Variants in ICAM2 observed in about 807,000 individuals in gnomAD.
The protein encoded by ICAM2 is ICAM-2.
In ICAM2, 14 loss-of-function variants were observed where a neutral mutation model predicts 19.1. The ratio of observed to expected loss-of-function variants is 0.73; its 90% confidence interval spans 0.48 to 1.15. The LOEUF is 1.15. Among genes scored for constraint, ICAM2 ranks in the 50% most tolerant of loss-of-function variants. The pLI is 0.00. For missense variants in ICAM2, 311 were observed against 355.4 expected (o/e 0.88, Z 1.00); for synonymous variants, 153 against 152.7 (o/e 1.00, Z -0.01).
intron 4 of ICAM2, chr17:64,003,155 C>A (rs1255735512): frequency 1.3e-5 from 7 of 540,766 alleles, no homozygotes; most frequent in Non-Finnish European, 2.3e-5. Flanking sequence ...TTCTGTGTGG[C>A]TGTGAGGGCA....
At chr17:64,005,419 C>T (rs755745759) in intron 2 of ICAM2, 46 bp from the exon 3 acceptor site, 1 of 1,590,094 alleles carries the variant, frequency 6.3e-7, no homozygotes, top group Non-Finnish European at 8.6e-7. Flanking sequence ...CCCCCACCCC[C>T]TGCCCTCCAG....
chr17:64,003,352 C>G, intron 4 of ICAM2: 1 of 483,046 alleles, frequency 2.1e-6, no homozygotes, highest in Non-Finnish European at 3.7e-6. Context: ...TGGGGGCAGT[C>G]AGGCCAAACT....
chr17:64,003,592 G>A (rs987764625), intron 4 of ICAM2, 52 bp downstream of exon 4: 5 of 1,538,406 alleles, frequency 3.3e-6, no homozygotes, highest in Non-Finnish European at 3.5e-6. Flanking sequence ...CTTCCCCCGA[G>A]GGGCTGAAAG....
Position 64,002,696 on chromosome 17 carries a change from C to G in ICAM2, c.*51G>C. ...GGGCTGGACCTCAACCCTGAGGAGTCACACTGAGTTCCAGTGACCACCGTG... is the reference window on the plus strand; with the variant it reads ...GGGCTGGACCTCAACCCTGAGGAGTGACACTGAGTTCCAGTGACCACCGTG... On this transcript the variant is annotated 3_prime_UTR_variant, in exon 5 of 5. Coordinates refer to ENST00000579788, the MANE Select transcript of ICAM2 (RefSeq NM_001099789.2). 1 of 1,541,440 alleles carries G rather than the reference C, an allele frequency of 6.5e-7. No homozygotes were observed. The highest frequency in any genetic ancestry group is 1.2e-5 in the South Asian group (1 of 86,386).
At position 64,008,432 on chromosome 17, in the gene ICAM2, A is replaced by G. The variant is rs146100950; in HGVS notation, c.-44-1697T>C. ...AATAATAATAACAATAACAACATCA[A>G]TAATAATAATAGTAAACATTTACTT... On this transcript the variant is annotated intron_variant, in intron 1 of 4. Coordinates refer to ENST00000579788, the MANE Select transcript of ICAM2 (RefSeq NM_001099789.2). Among the ~76,000 whole-genome samples the G allele has an allele frequency of 2.5e-4, 38 of 152,256 alleles. 1 individual carries two copies. Among genetic ancestry groups the G allele is most frequent in the African/African-American group, 8.7e-4 (36 of 41,538 alleles).
chr17:64,008,679 G>T lies in ICAM2; in HGVS notation c.-44-1944C>A, dbSNP rs141078118. Among the ~76,000 whole-genome samples, 612 of 152,292 alleles carry T rather than the reference G, an allele frequency of 4.0e-3. 2 individuals are homozygous for T. The highest frequency in any genetic ancestry group is 0.014 in the African/African-American group (596 of 41,556). ...TTGAAGCCCGCCCGAGCAGGCGCAA[G>T]AAGAGGATTGTTAGGAGCCTGGTTC... On this transcript the variant is annotated intron_variant, in intron 1 of 4. Transcript: ENST00000579788.
chr17:64,003,236 G>A (rs553073247), intron 4 of ICAM2: 19 of 442,766 alleles, frequency 4.3e-5, no homozygotes, highest in Middle Eastern at 6.3e-4. Context: ...GGGTGGCATG[G>A]TCCCAGCCAA....
Position 64,004,189 on chromosome 17 carries a change from G to A in ICAM2, c.329-225C>T, listed in dbSNP as rs554445594. 3.9e-5 allele frequency: 21 copies of A among 540,390 alleles called. No individual in the cohort carries two copies. In the East Asian group the frequency reaches 6.2e-4, roughly 16 times the overall value. 33.5% of individuals were successfully genotyped at this position (540,390 alleles called of 1,614,324 possible). On this transcript the variant is annotated intron_variant, in intron 3 of 4. Transcript: ENST00000579788. ...TTTCCGGTGACCAGGTGTCTACAAG[G>A]ACAAGGTTCAGAAATTGTACAGCCA...
Position 64,002,669 on chromosome 17 carries a change from C to T in ICAM2, c.*78G>A. On this transcript the variant is annotated 3_prime_UTR_variant, in exon 5 of 5. Transcript: ENST00000579788. ...CTGCTGCCTGTCACAGTCCTTCAGC[C>T]AGGGCTGGACCTCAACCCTGAGGAG... 1.5e-6 allele frequency: 2 copies of T among 1,346,338 alleles called. No homozygotes were observed. The highest frequency in any genetic ancestry group is 2.1e-6 in the Non-Finnish European group (2 of 970,898). The allele number at this position is 1,346,338 out of a possible 1,614,324, so 83.4% of individuals were successfully genotyped here. A position where few individuals can be genotyped will look rare whatever the true frequency, so the allele number is the denominator to read the frequency against.
chr17:64,014,381 AAGGAAGGAAGG>A lies in ICAM2; in HGVS notation c.-45+6131_-45+6141del, dbSNP rs1567849340. Among the ~76,000 whole-genome samples the A allele has an allele frequency of 1.1e-3, 54 of 48,610 alleles. 1 individual carries two copies. Among genetic ancestry groups the A allele is most frequent in the South Asian group, 5.0e-3 (6 of 1,212 alleles). 31.9% of individuals were successfully genotyped at this position (48,610 alleles called of 152,430 possible). On this transcript the variant is annotated intron_variant, in intron 1 of 4. Coordinates refer to ENST00000579788, the MANE Select transcript of ICAM2 (RefSeq NM_001099789.2). ...AAAGAAAGAAAGAAAGAAAGAAAGG[AAGGAAGGAAGG>A]AAGGAAGGAAGGAAGAGAAAGAGAA...
At chr17:64,011,018 G>GA (rs200478231) in intron 1 of ICAM2, among the ~76,000 whole-genome samples, 2,192 of 149,394 alleles carry the variant, frequency 0.015, 40 homozygotes, top group African/African-American at 0.05. Context: ...TCAATAGCAA[G>GA]AAAAAAAAAC....
At chr17:64,010,709 A>C (rs1346702690) in intron 1 of ICAM2, among the ~76,000 whole-genome samples, 1 of 152,224 alleles carries the variant, frequency 6.6e-6, no homozygotes, top group East Asian at 1.9e-4. Flanking sequence ...TTTGCTATGC[A>C]AAGAAGGGCA....
Position 64,003,881 on chromosome 17 carries a change from T to C in ICAM2, c.412A>G (p.Thr138Ala), listed in dbSNP as rs1911008495. 3.1e-6 allele frequency: 5 copies of C among 1,614,006 alleles called. No individual in the cohort carries two copies. The highest frequency in any genetic ancestry group is 4.2e-6 in the Non-Finnish European group (5 of 1,180,024). ...KSFTIECRVP[T>A]VEPLDSLTLF... ...GTGAGGCTGTCCAGGGGCTCCACGGTGGGCACCCTGCACTCAATGGTGAAG... is the reference window on the plus strand; with the variant it reads ...GTGAGGCTGTCCAGGGGCTCCACGGCGGGCACCCTGCACTCAATGGTGAAG... Residue 138 changes from threonine (T) to alanine (A), a missense_variant, in exon 4 of 5, where the codon ACC becomes GCC. Physicochemically the swap from Thr to Ala is moderately conservative, Grantham distance 58. Coordinates refer to ENST00000579788, the MANE Select transcript of ICAM2 (RefSeq NM_001099789.2).
At chr17:64,020,159 C>A (rs1567851748) in intron 1 of ICAM2, among the ~76,000 whole-genome samples, 2 of 151,950 alleles carry the variant, frequency 1.3e-5, no homozygotes, top group African/African-American at 4.8e-5. Context: ...GTCCCTTCCC[C>A]TCTGCATCAG....
intron 1 of ICAM2, among the ~76,000 whole-genome samples, chr17:64,018,713 CTTTTTT>C (rs67934258): frequency 6.6e-3 from 418 of 62,916 alleles, no homozygotes; most frequent in African/African-American, 0.024. Context: ...GTTTACTTCT[CTTTTTT>C]TTTTTTTTTT....
chr17:64,014,827 G>A (rs1911659822), intron 1 of ICAM2, among the ~76,000 whole-genome samples: 1 of 152,280 alleles, frequency 6.6e-6, no homozygotes, highest in South Asian at 2.1e-4. Context: ...TATAATCCTA[G>A]CACTTTGGGA....
intron 2 of ICAM2, 66 bp from the exon 3 acceptor site, chr17:64,005,439 C>T: frequency 6.5e-7 from 1 of 1,545,698 alleles, no homozygotes; most frequent in East Asian, 2.3e-5. Context: ...GTGGAGCTGT[C>T]CATTGAGGCA....
intron 3 of ICAM2, chr17:64,004,461 C>T (rs766347757): frequency 5.8e-5 from 10 of 171,106 alleles, no homozygotes; most frequent in Non-Finnish European, 1.1e-4. Flanking sequence ...TTCAACCACC[C>T]GAGGGGGTGC....
In ICAM2 at chr17:64,005,226, TC is replaced by T; in HGVS notation, c.208del (p.Asp70ThrfsTer33). ...LETSLDKILL[D>X]EQAQWKHYLV... ...GTAATGTTTCCACTGAGCCTGTTCG[TC>T]CAGCAGAATCTTATCTAGAGAGGTC... On this transcript the variant is annotated frameshift_variant, in exon 3 of 5. Transcript: ENST00000579788. LOFTEE classifies it high-confidence loss of function. 6.2e-7 allele frequency: 1 copy of T among 1,614,136 alleles called. No individual in the cohort carries two copies.
Sources: allele counts gnomAD v4.1 joint callset (sites outside exome capture counted in the v4.1 genomes callset), GRCh38; gene constraint gnomAD v4.1.1; transcripts MANE v1.5; gene names NCBI Gene and HGNC (gene_info 2026-07-23, HGNC 2026-07-21).